Variants in ZNF280C observed in about 807,000 individuals in gnomAD.
ZNF280C encodes suppressor of hairy wing homolog 3.
A neutral mutation model predicts 53.6 loss-of-function variants in ZNF280C; 14 were observed. The observed-to-expected ratio is 0.26, with a 90% CI of 0.17 to 0.41. The LOEUF (loss-of-function observed/expected upper bound fraction) is 0.41. ZNF280C is among the 10% of genes least tolerant of loss of function. The probability of loss-of-function intolerance (pLI) is 1.00; values close to 1 mark genes in which losing one functional copy is unlikely to be tolerated. For missense variants in ZNF280C, 416 were observed against 547.1 expected (o/e 0.76, Z 2.39); for synonymous variants, 203 against 181.1 (o/e 1.12, Z -0.97).
At chrX:130,255,532 G>A (rs2032561413) in intron 2 of ZNF280C, among the ~76,000 whole-genome samples, 1 of 110,038 alleles carries the variant, frequency 9.1e-6, no homozygotes, top group Non-Finnish European at 1.9e-5. Flanking sequence ...GTAATCAAAG[G>A]AAAATACAAA....
intron 15 of ZNF280C, among the ~76,000 whole-genome samples, chrX:130,210,457 T>C (rs1236250143): frequency 8.9e-6 from 1 of 112,408 alleles, no homozygotes; most frequent in Non-Finnish European, 1.9e-5. Flanking sequence ...TTATTTTTTG[T>C]TTCAGACAGT....
At chrX:130,249,535 C>T (rs921566333) in intron 2 of ZNF280C, among the ~76,000 whole-genome samples, 2 of 112,045 alleles carry the variant, frequency 1.8e-5, no homozygotes, top group Non-Finnish European at 3.8e-5. Flanking sequence ...TTAGAGCATG[C>T]ACTCCAGGAG....
At chrX:130,234,482 A>G (rs1377301908) in intron 8 of ZNF280C, among the ~76,000 whole-genome samples, 1 of 112,455 alleles carries the variant, frequency 8.9e-6, no homozygotes, top group African/African-American at 3.2e-5. Context: ...ACTCTAATAC[A>G]GTTTTGCGTC....
At chrX:130,219,071 T>C (rs976378499) in intron 13 of ZNF280C, among the ~76,000 whole-genome samples, 1 of 112,078 alleles carries the variant, frequency 8.9e-6, no homozygotes, top group Non-Finnish European at 1.9e-5. Flanking sequence ...TTAATTTAAA[T>C]AGCAGACATA....
intron 10 of ZNF280C, among the ~76,000 whole-genome samples, chrX:130,228,431 G>T (rs1168758470): frequency 9.2e-6 from 1 of 108,897 alleles, no homozygotes; most frequent in African/African-American, 3.3e-5. Flanking sequence ...TTACAGGCGT[G>T]CGCCACCTTG....
At chrX:130,228,512 A>AC (rs1280900852) in intron 10 of ZNF280C, among the ~76,000 whole-genome samples, 5 of 109,156 alleles carry the variant, frequency 4.6e-5, no homozygotes, top group African/African-American at 1.7e-4. Flanking sequence ...CTAACTCCCG[A>AC]CCTCAGGTGA....
chrX:130,251,722 G>C (rs1361762985), intron 2 of ZNF280C, among the ~76,000 whole-genome samples: 1 of 110,085 alleles, frequency 9.1e-6, no homozygotes, highest in Non-Finnish European at 1.9e-5. Flanking sequence ...ACCCGGAAGG[G>C]GAAGTGCAGT....
At chrX:130,239,450 T>C (rs773698995) in intron 6 of ZNF280C, 132 bp downstream of exon 6, 1 of 383,047 alleles carries the variant, frequency 2.6e-6, no homozygotes, top group Non-Finnish European at 4.6e-6. Context: ...CAGGAATGAT[T>C]AGCTCTATTC....
chrX:130,236,349 C>T, intron 7 of ZNF280C, 29 bp from the exon 8 acceptor site: 1 of 1,152,672 alleles, frequency 8.7e-7, no homozygotes. Context: ...TTTTAAGACT[C>T]AAATCCATCT....
At chrX:130,250,931 C>A (rs1331738034) in intron 2 of ZNF280C, among the ~76,000 whole-genome samples, 1 of 109,748 alleles carries the variant, frequency 9.1e-6, no homozygotes, top group Non-Finnish European at 1.9e-5. Flanking sequence ...AAACCCCCAT[C>A]TCTACTAAAA....
At chrX:130,233,975 C>G (rs913550274) in intron 8 of ZNF280C, among the ~76,000 whole-genome samples, 1 of 110,119 alleles carries the variant, frequency 9.1e-6, no homozygotes, top group African/African-American at 3.3e-5. Context: ...AAGTGAAAGA[C>G]TTTTTTTAAA....
At chrX:130,247,074 T>C in intron 2 of ZNF280C, 69 bp from the exon 3 acceptor site, 1 of 991,865 alleles carries the variant, frequency 1.0e-6, no homozygotes, top group Non-Finnish European at 1.4e-6. Context: ...CAATACATAG[T>C]ATGATATTTA....
intron 12 of ZNF280C, among the ~76,000 whole-genome samples, chrX:130,221,860 C>A (rs1475868471): frequency 9.0e-6 from 1 of 111,314 alleles, no homozygotes; most frequent in Admixed American, 9.6e-5. Context: ...TGTTACAGAT[C>A]TTTCACATGG....
At chrX:130,245,251 C>T (rs2032438394) in intron 3 of ZNF280C, among the ~76,000 whole-genome samples, 1 of 111,781 alleles carries the variant, frequency 8.9e-6, no homozygotes, top group Admixed American at 9.5e-5. Context: ...TGGTTGAGTA[C>T]TGCTAAGTCA....
chrX:130,257,975 G>A (rs1470647175), intron 2 of ZNF280C, among the ~76,000 whole-genome samples: 1 of 111,038 alleles, frequency 9.0e-6, no homozygotes, highest in Non-Finnish European at 1.9e-5. Context: ...AAAATTAGCT[G>A]GGAGTGGTGG....
chrX:130,246,388 T>C (rs747510075), intron 3 of ZNF280C, among the ~76,000 whole-genome samples: 6 of 112,393 alleles, frequency 5.3e-5, no homozygotes, highest in Middle Eastern at 4.3e-3. Flanking sequence ...TATATCAAGA[T>C]GATACTTTGA....
At chrX:130,237,636 G>A (rs749219940) in intron 6 of ZNF280C, among the ~76,000 whole-genome samples, 18 of 111,622 alleles carry the variant, frequency 1.6e-4, no homozygotes, top group Non-Finnish European at 2.6e-4. Context: ...ACATTAATAG[G>A]AGAAGCAGTA....
chrX:130,203,858 TAG>T lies in ZNF280C; in HGVS notation c.*1117_*1118del, dbSNP rs1313763083. On this transcript the variant is annotated 3_prime_UTR_variant, in exon 19 of 19. Transcript: ENST00000370978. ...GATATTCCTTGGACTGCATGCCTGC[TAG>T]AGGAAGATTAAAGAACAGCAGCCAA... 9.0e-6 allele frequency: 1 copy of T among 110,720 alleles called. No individual in the cohort carries two copies. The highest frequency in any genetic ancestry group is 1.9e-5 in the Non-Finnish European group (1 of 52,962). The allele number at this position is 110,720 out of a possible 1,213,427, so 9.1% of individuals were successfully genotyped here.
At chrX:130,215,367 T>C in intron 14 of ZNF280C, 34 bp from the exon 15 acceptor site, 3 of 1,114,644 alleles carry the variant, frequency 2.7e-6, no homozygotes, top group Non-Finnish European at 3.6e-6. Context: ...TAAAAAGAGA[T>C]TATAAAACAA....
Sources: gnomAD v4.1 joint callset for allele counts (sites outside exome capture counted in the v4.1 genomes callset) on GRCh38, gnomAD v4.1.1 for gene constraint, MANE v1.5 for transcripts, NCBI Gene and HGNC (gene_info 2026-07-23, HGNC 2026-07-21) for gene names.